The following LARP1B variants were observed in gnomAD, a reference collection of about 807,000 sequenced individuals.
LARP1B encodes the protein la-related protein 1B.
Under a neutral mutation model 114.2 loss-of-function variants are expected in LARP1B, and 76 were observed. That is an observed-to-expected ratio of 0.67 (90% CI 0.55 to 0.81). The LOEUF (loss-of-function observed/expected upper bound fraction) is 0.81, where lower values mean the gene tolerates loss of function less well. Among genes scored for constraint, LARP1B ranks in the 30% least tolerant of loss-of-function variants. LARP1B has a pLI of 0.00. For synonymous variants in LARP1B, 345 were observed against 348.0 expected (o/e 0.99, Z 0.10); for missense variants, 1,014 against 1,075.8 (o/e 0.94, Z 0.80).
chr4:128,205,085 A>G (rs920765974), intron 17 of LARP1B, among the ~76,000 whole-genome samples: 1 of 152,232 alleles, frequency 6.6e-6, no homozygotes, highest in Non-Finnish European at 1.5e-5. Context: ...CTCAACCAGT[A>G]GCATCACTTA....
chr4:128,194,736 G>A (rs958574243), intron 15 of LARP1B, among the ~76,000 whole-genome samples: 11 of 144,174 alleles, frequency 7.6e-5, no homozygotes, highest in Non-Finnish European at 1.7e-4. Flanking sequence ...ATGTGGTGGC[G>A]CTCACTGGTA....
chr4:128,167,940 A>G (rs1741858306), intron 12 of LARP1B, among the ~76,000 whole-genome samples: 1 of 152,026 alleles, frequency 6.6e-6, no homozygotes, highest in African/African-American at 2.4e-5. Flanking sequence ...AGATTTATTC[A>G]TGCTTTTGTG....
At chr4:128,202,716 T>G (rs1237603171) in intron 17 of LARP1B, among the ~76,000 whole-genome samples, 2 of 152,186 alleles carry the variant, frequency 1.3e-5, no homozygotes, top group African/African-American at 4.8e-5. Flanking sequence ...TTCTAATACC[T>G]TTGTAACACA....
chr4:128,125,654 G>A (rs1789329557), intron 11 of LARP1B, among the ~76,000 whole-genome samples: 1 of 152,328 alleles, frequency 6.6e-6, no homozygotes, highest in Non-Finnish European at 1.5e-5. Context: ...CTGAAGGCAG[G>A]AGAATCACTT....
downstream of LARP1B, among the ~76,000 whole-genome samples, chr4:128,214,231 C>T (rs994686943): frequency 4.1e-5 from 6 of 145,938 alleles, no homozygotes; most frequent in Middle Eastern, 3.5e-3. Flanking sequence ...GGTGGAGGGG[C>T]GCCCGCCATT....
intron 15 of LARP1B, among the ~76,000 whole-genome samples, chr4:128,185,990 T>C (rs901296193): frequency 6.6e-6 from 1 of 152,168 alleles, no homozygotes; most frequent in East Asian, 1.9e-4. Flanking sequence ...TGGCTGATAA[T>C]GTGTAGATTT....
At chr4:128,220,121 G>A (rs1759895042) in intron 6 of LARP1B, among the ~76,000 whole-genome samples, 1 of 152,112 alleles carries the variant, frequency 6.6e-6, no homozygotes, top group Admixed American at 6.6e-5. Context: ...CCGACCTCAG[G>A]TGATCCACCC....
At chr4:128,145,004 GTAA>G (rs1416889596) in intron 11 of LARP1B, among the ~76,000 whole-genome samples, 3 of 152,128 alleles carry the variant, frequency 2.0e-5, no homozygotes, top group African/African-American at 7.2e-5. Context: ...TTCACTGCTA[GTAA>G]TTTTTAAAGT....
chr4:128,081,656 T>C (rs895661919), intron 4 of LARP1B, among the ~76,000 whole-genome samples: 4 of 152,146 alleles, frequency 2.6e-5, no homozygotes, highest in Admixed American at 2.6e-4. Flanking sequence ...CAAGGTTTTT[T>C]CCTAGTGTCT....
intron 11 of LARP1B, among the ~76,000 whole-genome samples, chr4:128,147,899 GA>G (rs1731049891): frequency 6.6e-6 from 1 of 151,964 alleles, no homozygotes; most frequent in African/African-American, 2.4e-5. Flanking sequence ...TATAATTTAT[GA>G]AAAAAATACA....
At chr4:128,132,242 T>G (rs1791782485) in intron 11 of LARP1B, among the ~76,000 whole-genome samples, 1 of 152,106 alleles carries the variant, frequency 6.6e-6, no homozygotes, top group African/African-American at 2.4e-5. Flanking sequence ...TATTTGTTTT[T>G]GATTATTATT....
rs776529101 is a variant in LARP1B, at chr4:128,094,400, C to CTT, written c.668+2905_668+2906dup. Among the ~76,000 whole-genome samples, 79 of 128,736 alleles carry CTT rather than the reference C, an allele frequency of 6.1e-4. 1 individual carries two copies. The highest frequency in any genetic ancestry group is 9.1e-4 in the African/African-American group (31 of 34,234). The allele number at this position is 128,736 out of a possible 152,430, so 84.5% of individuals were successfully genotyped here. A position where few individuals can be genotyped will look rare whatever the true frequency, so the allele number is the denominator to read the frequency against. On this transcript the variant is annotated intron_variant, in intron 7 of 19. Coordinates refer to ENST00000326639, the MANE Select transcript of LARP1B (RefSeq NM_018078.4). ...TTTTTCCTTTTTTCTTTTTCTTTTTCTTTTTTTTTTTTTTTTTTGAGACAT... is the reference window on the plus strand; with the variant it reads ...TTTTTCCTTTTTTCTTTTTCTTTTTCTTTTTTTTTTTTTTTTTTTTGAGACAT...
At chr4:128,196,914 A>G (rs1754350236) in intron 15 of LARP1B, among the ~76,000 whole-genome samples, 1 of 152,180 alleles carries the variant, frequency 6.6e-6, no homozygotes, top group African/African-American at 2.4e-5. Context: ...GAGCTTTGAA[A>G]ACATTATGCT....
At chr4:128,139,778 A>T (rs1469793599) in intron 11 of LARP1B, among the ~76,000 whole-genome samples, 1 of 152,192 alleles carries the variant, frequency 6.6e-6, no homozygotes, top group Admixed American at 6.5e-5. Flanking sequence ...AGTCAAGGAG[A>T]TGAAAATATT....
At chr4:128,063,296 G>A (rs1274151815) in intron 1 of LARP1B, among the ~76,000 whole-genome samples, 1 of 151,366 alleles carries the variant, frequency 6.6e-6, no homozygotes, top group Non-Finnish European at 1.5e-5. Context: ...GCGTGGTGGC[G>A]GGCGCCTGTA....
intron 11 of LARP1B, among the ~76,000 whole-genome samples, chr4:128,130,929 GAA>G (rs1791364483): frequency 6.6e-6 from 1 of 152,314 alleles, no homozygotes; most frequent in African/African-American, 2.4e-5. Context: ...AAGCCTATTT[GAA>G]AAGACTACAT....
intron 8 of LARP1B, among the ~76,000 whole-genome samples, chr4:128,104,530 C>T (rs574914920): frequency 6.6e-6 from 1 of 151,890 alleles, no homozygotes; most frequent in Non-Finnish European, 1.5e-5. Context: ...CTGCAACTTC[C>T]ACCTCCCAGT....
chr4:128,061,531 C>T (rs1264261764), intron 1 of LARP1B, 130 bp downstream of exon 1: 2 of 276,676 alleles, frequency 7.2e-6, no homozygotes, highest in African/African-American at 2.3e-5. Context: ...TCACGCCGGG[C>T]GCTGCGCGGC....
intron 11 of LARP1B, chr4:128,123,950 A>G (rs1289354511): frequency 6.6e-6 from 1 of 152,518 alleles, no homozygotes. Flanking sequence ...AATTGCAGAT[A>G]TGTCTTACTT....
Sources: allele counts gnomAD v4.1 joint callset (sites outside exome capture counted in the v4.1 genomes callset), GRCh38; gene constraint gnomAD v4.1.1; transcripts MANE v1.5; gene names NCBI Gene and HGNC (gene_info 2026-07-23, HGNC 2026-07-21).